LGSN: variants seen among roughly 807,000 people sequenced by gnomAD.
LGSN encodes lengsin.
Under a neutral mutation model 19.5 loss-of-function variants are expected in LGSN, and 21 were observed. The observed-to-expected ratio is 1.07, with a 90% CI of 0.76 to 1.55. The LOEUF is 1.55. LGSN is among the 40% of genes most tolerant of loss of function. LGSN has a pLI of 0.00. For missense variants in LGSN, 673 were observed against 608.5 expected, an observed-to-expected ratio of 1.11 and a Z score of -1.12; for synonymous variants, 257 against 215.6, an observed-to-expected ratio of 1.19 and a Z score of -1.68.
chr6:63,443,043 C>T, the LGSN span, among the ~76,000 whole-genome samples: 2 of 152,178 alleles, frequency 1.3e-5, no homozygotes, highest in Non-Finnish European at 2.9e-5. Context: ...GAGCCCACCG[C>T]GTGGGGGCTC....
the LGSN span, among the ~76,000 whole-genome samples, chr6:63,420,179 G>A: frequency 1.5e-4 from 22 of 151,430 alleles, no homozygotes; most frequent in Non-Finnish European, 7.4e-5. Context: ...CTCCAGCGGA[G>A]GCGACAGACC....
chr6:63,504,505 G>C, the LGSN span, among the ~76,000 whole-genome samples: 1 of 152,204 alleles, frequency 6.6e-6, no homozygotes, highest in Admixed American at 6.5e-5. Context: ...CTCCCAAAGT[G>C]CTGGGATTAC....
chr6:63,405,305 C>A, the LGSN span, among the ~76,000 whole-genome samples: 5 of 152,000 alleles, frequency 3.3e-5, no homozygotes, highest in Non-Finnish European at 5.9e-5. Context: ...ATTTATAGTC[C>A]TTTGGGTATA....
the LGSN span, among the ~76,000 whole-genome samples, chr6:63,486,615 T>C: frequency 2.6e-5 from 4 of 151,936 alleles, no homozygotes; most frequent in African/African-American, 9.7e-5. Context: ...AACCCGATCT[T>C]TCAAAGGAGC....
chr6:63,569,216 C>A, the LGSN span, among the ~76,000 whole-genome samples: 2 of 152,198 alleles, frequency 1.3e-5, no homozygotes, highest in African/African-American at 2.4e-5. Context: ...CCTCTGCACT[C>A]TTGCCTTCTG....
the LGSN span, among the ~76,000 whole-genome samples, chr6:63,536,347 G>A: frequency 2.6e-5 from 4 of 152,100 alleles, no homozygotes; most frequent in East Asian, 1.9e-4. Flanking sequence ...AAAGGAAAAG[G>A]AAAAAGAAAA....
At chr6:63,393,563 G>A in the LGSN span, among the ~76,000 whole-genome samples, 1 of 152,124 alleles carries the variant, frequency 6.6e-6, no homozygotes, top group East Asian at 1.9e-4. Flanking sequence ...AGATTAGGGT[G>A]GGGCAACCAG....
At chr6:63,321,101 A>T (rs1769066146), upstream of LGSN, among the ~76,000 whole-genome samples, 1 of 152,108 alleles carries the variant, frequency 6.6e-6, no homozygotes, top group Admixed American at 6.6e-5. Context: ...AAGAAAAGGG[A>T]TTCTATCTCC....
the LGSN span, among the ~76,000 whole-genome samples, chr6:63,414,190 C>T: frequency 6.6e-6 from 1 of 152,054 alleles, no homozygotes; most frequent in Non-Finnish European, 1.5e-5. Flanking sequence ...GCTAAATGGG[C>T]TGCTGGGTAT....
the LGSN span, among the ~76,000 whole-genome samples, chr6:63,340,463 CTGT>C: frequency 7.0e-4 from 106 of 152,034 alleles, 1 homozygote; most frequent in South Asian, 2.3e-3. Context: ...CTTTTTTATT[CTGT>C]TGTTGTTGTT....
At chr6:63,436,850 A>C in the LGSN span, among the ~76,000 whole-genome samples, 1 of 150,528 alleles carries the variant, frequency 6.6e-6, no homozygotes, top group Non-Finnish European at 1.5e-5. Context: ...AGCCTGAGCG[A>C]AATGGTGAAA....
chr6:63,378,312 A>T, the LGSN span, among the ~76,000 whole-genome samples: 1 of 152,178 alleles, frequency 6.6e-6, no homozygotes, highest in East Asian at 1.9e-4. Flanking sequence ...TCTAGAAGTG[A>T]CACACATCAC....
At chr6:63,357,929 A>C in the LGSN span, among the ~76,000 whole-genome samples, 88 of 151,998 alleles carry the variant, frequency 5.8e-4, no homozygotes, top group African/African-American at 2.0e-3. Flanking sequence ...CTGAATGGTA[A>C]TGCCTAGGTT....
the LGSN span, among the ~76,000 whole-genome samples, chr6:63,341,610 C>T: frequency 8.5e-3 from 1,287 of 152,184 alleles, 15 homozygotes; most frequent in African/African-American, 0.03. Context: ...GGATATAGGA[C>T]ACTGCATTGG....
At chr6:63,305,013 C>T (rs747820737) in intron 1 of LGSN, among the ~76,000 whole-genome samples, 80 of 152,116 alleles carry the variant, frequency 5.3e-4, no homozygotes, top group Non-Finnish European at 9.3e-4. Flanking sequence ...TTATGGAAGA[C>T]CATTGTTCTG....
chr6:63,412,711 GA>G, the LGSN span, among the ~76,000 whole-genome samples: 1 of 78,018 alleles, frequency 1.3e-5, no homozygotes, highest in Non-Finnish European at 2.1e-5. Flanking sequence ...AAGAAAGAGG[GA>G]AGGAAGGAAA....
the LGSN span, among the ~76,000 whole-genome samples, chr6:63,502,510 C>T: frequency 3.9e-5 from 6 of 152,018 alleles, no homozygotes; most frequent in African/African-American, 7.2e-5. Context: ...CAAAAAAGTG[C>T]ATTAAAAAGA....
chr6:63,399,020 T>A, the LGSN span, among the ~76,000 whole-genome samples: 1 of 152,122 alleles, frequency 6.6e-6, no homozygotes, highest in Non-Finnish European at 1.5e-5. Flanking sequence ...CTGCCTAGGC[T>A]GGTCTCAAAC....
the LGSN span, among the ~76,000 whole-genome samples, chr6:63,376,995 C>A: frequency 6.6e-6 from 1 of 152,196 alleles, no homozygotes; most frequent in African/African-American, 2.4e-5. Context: ...AAACAGACTG[C>A]TCCCATATTA....
Sources: gnomAD v4.1 joint callset for allele counts (sites outside exome capture counted in the v4.1 genomes callset) on GRCh38, gnomAD v4.1.1 for gene constraint, MANE v1.5 for transcripts, NCBI Gene and HGNC (gene_info 2026-07-23, HGNC 2026-07-21) for gene names.